FGF13: variants seen among roughly 807,000 people sequenced by gnomAD.
The protein encoded by FGF13 is fibroblast growth factor homologous factor 2.
A neutral mutation model predicts 19.5 loss-of-function variants in FGF13; 2 were observed. That is an observed-to-expected ratio of 0.10 (90% confidence interval 0.04 to 0.32). FGF13 has a LOEUF of 0.32. Among genes scored for constraint, FGF13 ranks in the 10% least tolerant of loss-of-function variants. The probability of loss-of-function intolerance (pLI) is 1.00; values close to 1 mark genes in which losing one functional copy is unlikely to be tolerated. For synonymous variants in FGF13, 72 were observed against 76.9 expected (o/e 0.94, Z 0.33); for missense variants, 113 against 192.7 (o/e 0.59, Z 2.45).
chrX:138,879,936 C>T (rs2091413986), intron 1 of FGF13, among the ~76,000 whole-genome samples: 1 of 111,793 alleles, frequency 8.9e-6, no homozygotes, highest in South Asian at 3.7e-4. Flanking sequence ...ATCCATCTGA[C>T]AAAGGGTTAA....
At chrX:139,105,748 A>G (rs2083554952) in intron 1 of FGF13, among the ~76,000 whole-genome samples, 1 of 112,449 alleles carries the variant, frequency 8.9e-6, no homozygotes, top group Non-Finnish European at 1.9e-5. Flanking sequence ...TCATCTTTTT[A>G]GAATACATTA....
Position 138,925,372 on chromosome X carries a change from A to G in FGF13, c.-112-60722T>C, listed in dbSNP as rs1370501321. ...AATGATACCTTCAAAATCGGCAACC[A>G]AAAAGATCTTACTGGCTTACCTTCC... On this transcript the variant is annotated intron_variant, in intron 1 of 2. Coordinates refer to the FGF13 transcript ENST00000421460. Among the ~76,000 whole-genome samples, 3 of 110,479 alleles carry G rather than the reference A, an allele frequency of 2.7e-5. No homozygotes were observed. The Admixed American group carries it at 2.9e-4, about 11-fold the overall frequency.
chrX:138,969,154 A>G (rs1251426449), intron 1 of FGF13, among the ~76,000 whole-genome samples: 1 of 112,063 alleles, frequency 8.9e-6, no homozygotes, highest in Non-Finnish European at 1.9e-5. Flanking sequence ...GAAAAACTCG[A>G]AAAACAGAAA....
chrX:138,857,063 A>G (rs1408938187), downstream of FGF13, among the ~76,000 whole-genome samples: 1 of 112,195 alleles, frequency 8.9e-6, no homozygotes, highest in African/African-American at 3.2e-5. Context: ...GATCATGAGC[A>G]TTCTTCAAGT....
intron 1 of FGF13, among the ~76,000 whole-genome samples, chrX:139,119,180 C>T (rs988914655): frequency 1.8e-5 from 2 of 111,847 alleles, no homozygotes; most frequent in South Asian, 3.8e-4. Flanking sequence ...GACAACAGAG[C>T]AAGACTCTGT....
At chrX:138,955,558 T>C (rs1233331742) in intron 1 of FGF13, among the ~76,000 whole-genome samples, 1 of 112,184 alleles carries the variant, frequency 8.9e-6, no homozygotes, top group African/African-American at 3.2e-5. Context: ...AGGTAGTAAG[T>C]GGCAGAGCCA....
intron 3 of FGF13, among the ~76,000 whole-genome samples, chrX:138,764,647 G>GT (rs2090491479): frequency 8.9e-6 from 1 of 112,420 alleles, no homozygotes; most frequent in Non-Finnish European, 1.9e-5. Context: ...ATACTCATTT[G>GT]TTTTATAGTC....
At chrX:138,927,002 C>T (rs2091677547) in intron 1 of FGF13, among the ~76,000 whole-genome samples, 1 of 111,285 alleles carries the variant, frequency 9.0e-6, no homozygotes, top group Non-Finnish European at 1.9e-5. Context: ...GCCTATATGG[C>T]CAGAGCAGAG....
intron 2 of FGF13, among the ~76,000 whole-genome samples, chrX:138,861,901 G>T (rs1025994411): frequency 9.0e-6 from 1 of 111,581 alleles, no homozygotes; most frequent in Non-Finnish European, 1.9e-5. Flanking sequence ...TACTCGGGAG[G>T]CTGAGACAGG....
At chrX:138,643,889 A>T (rs1222649885) in intron 3 of FGF13, among the ~76,000 whole-genome samples, 1 of 111,688 alleles carries the variant, frequency 9.0e-6, no homozygotes, top group African/African-American at 3.3e-5. Context: ...CAAACCTTCT[A>T]GTCTTTTAGC....
At chrX:138,847,292 G>A (rs2091189408) in intron 3 of FGF13, among the ~76,000 whole-genome samples, 1 of 111,549 alleles carries the variant, frequency 9.0e-6, no homozygotes, top group Admixed American at 9.5e-5. Context: ...TATCTGACAG[G>A]GTTTTCGTGA....
At chrX:138,866,890 T>C (rs1013897345) in intron 1 of FGF13, among the ~76,000 whole-genome samples, 35 of 111,853 alleles carry the variant, frequency 3.1e-4, no homozygotes, top group African/African-American at 1.1e-3. Flanking sequence ...TTCTCTTCTC[T>C]TCTGAGGCCA....
downstream of FGF13, among the ~76,000 whole-genome samples, chrX:138,856,955 C>G (rs1425373919): frequency 1.8e-5 from 2 of 111,727 alleles, no homozygotes; most frequent in Non-Finnish European, 3.8e-5. Flanking sequence ...AAAAAACAAA[C>G]TACTCATAGT....
chrX:138,795,060 C>T (rs1386573120), intron 3 of FGF13, among the ~76,000 whole-genome samples: 3 of 111,630 alleles, frequency 2.7e-5, no homozygotes, highest in African/African-American at 9.8e-5. Context: ...TAGGAGGGGT[C>T]AAGTTATTCG....
At chrX:139,077,052 C>T (rs1349120794) in intron 1 of FGF13, among the ~76,000 whole-genome samples, 2 of 111,750 alleles carry the variant, frequency 1.8e-5, no homozygotes, top group Non-Finnish European at 3.8e-5. Context: ...TGTCCTGTAT[C>T]ACTGCACCTG....
chrX:139,100,087 C>T (rs1321957526), intron 1 of FGF13, among the ~76,000 whole-genome samples: 1 of 104,553 alleles, frequency 9.6e-6, no homozygotes, highest in Non-Finnish European at 2.0e-5. Context: ...CACACACACA[C>T]ATAAACACAT....
intron 1 of FGF13, among the ~76,000 whole-genome samples, chrX:138,896,386 CAAT>C (rs963033144): frequency 1.8e-5 from 2 of 111,580 alleles, no homozygotes; most frequent in Non-Finnish European, 3.8e-5. Context: ...GCTCAGTACA[CAAT>C]AATGAGTCAT....
At chrX:138,825,466 T>C (rs1409458698) in intron 3 of FGF13, among the ~76,000 whole-genome samples, 1 of 112,100 alleles carries the variant, frequency 8.9e-6, no homozygotes, top group Non-Finnish European at 1.9e-5. Context: ...GTGCTTTCTC[T>C]TGCTTTTACT....
chrX:138,688,938 C>T (rs1443260924), intron 3 of FGF13, among the ~76,000 whole-genome samples: 1 of 111,588 alleles, frequency 9.0e-6, no homozygotes, highest in Non-Finnish European at 1.9e-5. Context: ...CAATGATAAG[C>T]ATCTTTGAAA....
Sources: gnomAD v4.1 joint callset for allele counts (sites outside exome capture counted in the v4.1 genomes callset) on GRCh38, gnomAD v4.1.1 for gene constraint, MANE v1.5 for transcripts, NCBI Gene and HGNC (gene_info 2026-07-23, HGNC 2026-07-21) for gene names.